Variants in LGMN observed in about 807,000 individuals in gnomAD.
LGMN encodes legumain.
LGMN carries 36 observed loss-of-function variants against 56.8 expected under a neutral mutation model. That is an observed-to-expected ratio of 0.63 (90% confidence interval 0.49 to 0.84). The LOEUF (loss-of-function observed/expected upper bound fraction) is 0.84. Among genes scored for constraint, LGMN ranks in the 40% least tolerant of loss-of-function variants. LGMN has a pLI of 0.00. For missense variants in LGMN, 446 were observed against 556.1 expected (o/e 0.80, Z 1.99); for synonymous variants, 199 against 210.1 (o/e 0.95, Z 0.46).
At chr14:92,738,295 T>C in intron 1 of LGMN, among the ~76,000 whole-genome samples, 1 of 151,834 alleles carries the variant, frequency 6.6e-6, no homozygotes. Flanking sequence ...TTTTTTTTTT[T>C]TGAGACAGAG....
At chr14:92,712,174 G>GT in intron 8 of LGMN, among the ~76,000 whole-genome samples, 1 of 152,300 alleles carries the variant, frequency 6.6e-6, no homozygotes, top group African/African-American at 2.4e-5. Flanking sequence ...GCTGGTGGAT[G>GT]TTTTTTGCAG....
chr14:92,740,739 A>T (rs1555400917), intron 1 of LGMN, among the ~76,000 whole-genome samples: 1 of 152,196 alleles, frequency 6.6e-6, no homozygotes, highest in Non-Finnish European at 1.5e-5. Context: ...AGAAGAGCCT[A>T]TCAATGGAGT....
chr14:92,739,441 T>G (rs1188565963), intron 1 of LGMN, among the ~76,000 whole-genome samples: 2 of 152,128 alleles, frequency 1.3e-5, no homozygotes, highest in Non-Finnish European at 2.9e-5. Context: ...TCTCCTCCTA[T>G]CTACTCTCTC....
intron 1 of LGMN, chr14:92,741,785 C>T (rs1409060716): frequency 6.6e-6 from 1 of 152,262 alleles, no homozygotes; most frequent in African/African-American, 2.4e-5. Flanking sequence ...ATGGCTTGAA[C>T]CTGGGAAGCA....
At chr14:92,739,969 A>C (rs1891474497) in intron 1 of LGMN, among the ~76,000 whole-genome samples, 1 of 152,186 alleles carries the variant, frequency 6.6e-6, no homozygotes, top group Admixed American at 6.5e-5. Flanking sequence ...AAAGACTCCC[A>C]GCTGGGCACG....
At chr14:92,738,352 C>T (rs1891396331) in intron 1 of LGMN, among the ~76,000 whole-genome samples, 1 of 151,284 alleles carries the variant, frequency 6.6e-6, no homozygotes, top group South Asian at 2.1e-4. Context: ...TATCTCGGCT[C>T]ACTGCAAGCT....
chr14:92,729,725 A>G (rs538508906), intron 2 of LGMN, among the ~76,000 whole-genome samples: 2 of 152,284 alleles, frequency 1.3e-5, no homozygotes, highest in African/African-American at 4.8e-5. Context: ...TTCTGTGGAG[A>G]CCGTTCTTTT....
At chr14:92,723,957 C>T (rs990202833) in intron 2 of LGMN, among the ~76,000 whole-genome samples, 14 of 152,300 alleles carry the variant, frequency 9.2e-5, no homozygotes, top group African/African-American at 2.4e-4. Context: ...GTCTCAAACT[C>T]GTGGCCTCAA....
chr14:92,713,742 G>A lies in LGMN; in HGVS notation c.543+81C>T, dbSNP rs528262023. 2.1e-4 allele frequency: 196 copies of A among 935,240 alleles called. No homozygotes were observed. The African/African-American group carries it at 2.5e-3, about 12-fold the overall frequency. The allele number at this position is 935,240 out of a possible 1,614,324, so 57.9% of individuals were successfully genotyped here. A position where few individuals can be genotyped will look rare whatever the true frequency, so the allele number is the denominator to read the frequency against. On this transcript the variant is annotated intron_variant, in intron 7 of 13. Coordinates refer to ENST00000334869, the MANE Select transcript of LGMN (RefSeq NM_005606.7). Reference sequence around the variant, plus strand: ...AACACAGCACCCACAGTTGGAGGACGGTCACGGGACTGTGGGCTCTGCACT... The same window carrying A: ...AACACAGCACCCACAGTTGGAGGACAGTCACGGGACTGTGGGCTCTGCACT...
intron 2 of LGMN, among the ~76,000 whole-genome samples, chr14:92,720,428 G>A (rs1890398159): frequency 1.3e-5 from 2 of 152,246 alleles, no homozygotes; most frequent in South Asian, 4.1e-4. Context: ...AGCACTTTGG[G>A]AGGCTGAGGC....
intron 1 of LGMN, among the ~76,000 whole-genome samples, chr14:92,745,924 C>G (rs1221555202): frequency 6.6e-6 from 1 of 152,054 alleles, no homozygotes; most frequent in African/African-American, 2.4e-5. Flanking sequence ...CTGGTTCAAG[C>G]AATTCTCCTG....
At chr14:92,740,922 C>G (rs778875596) in intron 1 of LGMN, 2 of 152,380 alleles carry the variant, frequency 1.3e-5, no homozygotes, top group Non-Finnish European at 2.9e-5. Context: ...TGCAGTGGCT[C>G]ATGCCTGTAA....
chr14:92,704,809 T>C, intron 12 of LGMN, 102 bp from the exon 13 acceptor site: 1 of 911,376 alleles, frequency 1.1e-6, no homozygotes, highest in Non-Finnish European at 1.8e-6. Context: ...CAGTGGCTCT[T>C]GCCCTATTTT....
rs918721241 is a variant in LGMN at position 92,704,473 on chromosome 14, C to G, written c.1260-112G>C. On this transcript the variant is annotated intron_variant, in intron 13 of 13. Coordinates refer to ENST00000334869, the MANE Select transcript of LGMN (RefSeq NM_005606.7). Reference sequence around the variant, plus strand: ...CAGTTATGACAGGCCCGCCCAGCAGCTGTCACTGAGAACGTGGCTTCTGGA... The same window carrying G: ...CAGTTATGACAGGCCCGCCCAGCAGGTGTCACTGAGAACGTGGCTTCTGGA... 2.8e-6 allele frequency: 3 copies of G among 1,057,432 alleles called. No homozygotes were observed. The Admixed American group carries it at 5.5e-5, about 19-fold the overall frequency. The allele number at this position is 1,057,432 out of a possible 1,614,324, so 65.5% of individuals were successfully genotyped here.
chr14:92,713,945 C>A, intron 6 of LGMN, 60 bp from the exon 7 acceptor site: 1 of 1,281,190 alleles, frequency 7.8e-7, no homozygotes, highest in East Asian at 2.3e-5. Flanking sequence ...CTGGATAAGC[C>A]ACTAGTAAAG....
At chr14:92,743,458 G>T (rs1891663779) in intron 1 of LGMN, among the ~76,000 whole-genome samples, 2 of 149,030 alleles carry the variant, frequency 1.3e-5, no homozygotes, top group Non-Finnish European at 3.0e-5. Flanking sequence ...AGCCAGGATT[G>T]CCCCACTGCA....
At chr14:92,742,292 C>CTTTTTTTTTTTTTTTTTTT (rs756259014) in intron 1 of LGMN, among the ~76,000 whole-genome samples, 3 of 84,014 alleles carry the variant, frequency 3.6e-5, no homozygotes, top group Non-Finnish European at 4.2e-5. Context: ...TTTTGTTTTG[C>CTTTTTTTTTTTTTTTTTTT]TTTTTTTTTT....
chr14:92,734,692 T>C (rs1277517074), intron 1 of LGMN, among the ~76,000 whole-genome samples: 1 of 152,192 alleles, frequency 6.6e-6, no homozygotes, highest in Non-Finnish European at 1.5e-5. Context: ...TGCTCTCTTT[T>C]ATACTTCAAT....
Position 92,718,844 on chromosome 14 carries a change from C to T in LGMN, c.139G>A (p.Ala47Thr). ...ATCTGGTAGGCATGGCACGCGTCTG[C>T]CTGGGAGAAATGATTTGGTGAAGTT... ...SNGWYNYRHQ[A>T]DACHAYQIIH... Residue 47 changes from alanine (A) to threonine (T), a missense_variant and splice_region_variant, in exon 3 of 14, where the codon GCA becomes ACA. Coordinates refer to ENST00000334869, the MANE Select transcript of LGMN (RefSeq NM_005606.7). The T allele has an allele frequency of 1.2e-6, 2 of 1,610,716 alleles. No homozygotes were observed. The highest frequency in any genetic ancestry group is 1.7e-6 in the Non-Finnish European group (2 of 1,177,410).
Sources: gnomAD v4.1 joint callset for allele counts (sites outside exome capture counted in the v4.1 genomes callset) on GRCh38, gnomAD v4.1.1 for gene constraint, MANE v1.5 for transcripts, NCBI Gene and HGNC (gene_info 2026-07-23, HGNC 2026-07-21) for gene names.